Variants in LPCAT1 observed in about 807,000 individuals in gnomAD.
LPCAT1 encodes the protein 1-acylglycerol-3-phosphate O-acyltransferase.
Under a neutral mutation model 60.9 loss-of-function variants are expected in LPCAT1, and 23 were observed. That is an observed-to-expected ratio of 0.38 (90% confidence interval 0.27 to 0.53). The LOEUF is 0.53. Ranked by LOEUF, LPCAT1 falls within the 20% of genes least tolerant of loss-of-function variation. The probability of loss-of-function intolerance (pLI) is 0.82; values close to 1 mark genes in which losing one functional copy is unlikely to be tolerated. For synonymous variants in LPCAT1, 340 were observed against 301.1 expected (o/e 1.13, Z -1.34); for missense variants, 622 against 723.6 (o/e 0.86, Z 1.61).
intron 1 of LPCAT1, among the ~76,000 whole-genome samples, chr5:1,518,415 A>C (rs1246825525): frequency 6.6e-6 from 1 of 152,200 alleles, no homozygotes; most frequent in Non-Finnish European, 1.5e-5. Flanking sequence ...ATCTCCGCTC[A>C]CTGCAAGCTC....
chr5:1,519,201 C>T (rs1380061750), intron 1 of LPCAT1, among the ~76,000 whole-genome samples: 1 of 152,230 alleles, frequency 6.6e-6, no homozygotes, highest in African/African-American at 2.4e-5. Flanking sequence ...TGGTGCTTTG[C>T]TGTCAGCTGT....
In LPCAT1 at chr5:1,466,822, C is replaced by T; in HGVS notation, c.1347G>A (p.Leu449=). ...CGGTCACGGTGAGCTCTGCCACCCC[C>T]AGGGCCGTCTTGAGGATGCAGGACA... ...GDLSCILKTA[L]GVAELTVTDL... Residue 449 remains leucine, a synonymous_variant, in exon 13 of 14, where the codon CTG becomes CTA. Transcript: ENST00000283415. 1 of 1,613,534 alleles carries T rather than the reference C, an allele frequency of 6.2e-7. No individual in the cohort carries two copies. The highest frequency in any genetic ancestry group is 2.2e-5 in the East Asian group (1 of 44,848).
intron 1 of LPCAT1, among the ~76,000 whole-genome samples, chr5:1,520,651 G>A (rs964588162): frequency 5.9e-5 from 9 of 152,050 alleles, no homozygotes; most frequent in African/African-American, 9.7e-5. Context: ...ACAAGGTCAG[G>A]AGATCGAGAC....
intron 1 of LPCAT1, among the ~76,000 whole-genome samples, chr5:1,507,981 C>A (rs540499979): frequency 6.6e-6 from 1 of 152,240 alleles, no homozygotes; most frequent in Non-Finnish European, 1.5e-5. Flanking sequence ...CTGATCCACA[C>A]GCACCAGAGG....
At chr5:1,512,683 G>T in intron 1 of LPCAT1, among the ~76,000 whole-genome samples, 1 of 152,230 alleles carries the variant, frequency 6.6e-6, no homozygotes. Context: ...CCTCCCATCG[G>T]GGGGCTCTGC....
Position 1,502,486 on chromosome 5 carries a change from C to T in LPCAT1, c.136-883G>A, listed in dbSNP as rs562300375. Among the ~76,000 whole-genome samples, 35 of 152,146 alleles carry T rather than the reference C, an allele frequency of 2.3e-4. No individual in the cohort carries two copies. Among genetic ancestry groups the T allele is most frequent in the African/African-American group, 8.0e-4 (33 of 41,498 alleles). On this transcript the variant is annotated intron_variant, in intron 1 of 13. Coordinates refer to ENST00000283415, the MANE Select transcript of LPCAT1 (RefSeq NM_024830.5). This position sits in a 1 kb window ranked among gnomAD's most constrained non-coding sequence, Gnocchi z 5.5. ...GACCCGGCGCAGGAGAGTGAACTGGCGGGAGGGCAGGGGCGCAGGTCAATA... is the reference window on the plus strand; with the variant it reads ...GACCCGGCGCAGGAGAGTGAACTGGTGGGAGGGCAGGGGCGCAGGTCAATA...
chr5:1,488,361 G>C (rs1200810700), intron 5 of LPCAT1, 30 bp downstream of exon 5: 4 of 1,430,166 alleles, frequency 2.8e-6, no homozygotes, highest in Admixed American at 4.2e-5. Flanking sequence ...TTCTCTAGGA[G>C]AAAAATAAAC....
At chr5:1,464,891 A>ACG (rs1734280290) in intron 13 of LPCAT1, among the ~76,000 whole-genome samples, 1 of 141,830 alleles carries the variant, frequency 7.1e-6, no homozygotes. Context: ...AAACAAGTGC[A>ACG]CACACACACT....
At chr5:1,465,851 C>T (rs985665864) in intron 13 of LPCAT1, among the ~76,000 whole-genome samples, 2 of 150,168 alleles carry the variant, frequency 1.3e-5, no homozygotes, top group East Asian at 1.9e-4. Context: ...CGGTAACACA[C>T]GTGCACTTTC....
intron 1 of LPCAT1, among the ~76,000 whole-genome samples, chr5:1,511,180 C>T (rs1302660307): frequency 1.3e-5 from 2 of 152,238 alleles, no homozygotes; most frequent in African/African-American, 4.8e-5. Flanking sequence ...TGGATCTCCA[C>T]ACACAGCACC....
chr5:1,513,588 G>T (rs55830591), intron 1 of LPCAT1, among the ~76,000 whole-genome samples: 13,355 of 152,300 alleles, frequency 0.088, 840 homozygotes, highest in Middle Eastern at 0.27. Context: ...GCGGGGACTC[G>T]GTTACACCTG....
At chr5:1,513,490 T>C (rs761590828) in intron 1 of LPCAT1, among the ~76,000 whole-genome samples, 1 of 152,196 alleles carries the variant, frequency 6.6e-6, no homozygotes, top group Admixed American at 6.5e-5. Flanking sequence ...AACTCAGAAG[T>C]GTAAGCTTCT....
Position 1,474,616 on chromosome 5 carries a change from G to C in LPCAT1, c.969C>G (p.Leu323=), listed in dbSNP as rs772083019. ...AAAGGCAAGTGTCAGCGGGGAGACG[G>C]AGCTGTCCTTCCGCCAGGGCCAGCT... The part of the protein sequence containing the change: ...DCQLALAEGQ[L]RLPADTCLLE... The change falls in exon 10 of 14, where the codon CTC becomes CTG. Residue 323 remains leucine, a synonymous_variant. Coordinates refer to ENST00000283415, the MANE Select transcript of LPCAT1 (RefSeq NM_024830.5). The C allele has an allele frequency of 6.2e-7, 1 of 1,614,012 alleles. No individual in the cohort carries two copies. Among genetic ancestry groups the C allele is most frequent in the Non-Finnish European group, 8.5e-7 (1 of 1,180,006 alleles).
At chr5:1,505,829 A>G (rs374808028) in intron 1 of LPCAT1, among the ~76,000 whole-genome samples, 1 of 151,962 alleles carries the variant, frequency 6.6e-6, no homozygotes, top group Admixed American at 6.6e-5. Context: ...CACGGGGAGG[A>G]CTGTGTGAAC....
intron 3 of LPCAT1, among the ~76,000 whole-genome samples, chr5:1,492,718 C>A (rs370909307): frequency 1.3e-5 from 2 of 152,184 alleles, no homozygotes; most frequent in Non-Finnish European, 2.9e-5. Flanking sequence ...GGTGGAATCC[C>A]GGGCCTCTAG....
At position 1,523,871 on chromosome 5, in the gene LPCAT1, G is replaced by A. The variant is rs1736752740; in HGVS notation, c.-27C>T. 9.6e-7 allele frequency: 1 copy of A among 1,039,744 alleles called. No individual in the cohort carries two copies. Among genetic ancestry groups the A allele is most frequent in the Admixed American group, 5.7e-5 (1 of 17,552 alleles). The allele number at this position is 1,039,744 out of a possible 1,614,324, so 64.4% of individuals were successfully genotyped here. A position where few individuals can be genotyped will look rare whatever the true frequency, so the allele number is the denominator to read the frequency against. ...GCCGCGCCGTCCCGCGGCGAGCGCA[G>A]CCGAGCTGCCTGGGGCGCCGAGCGG... On this transcript the variant is annotated 5_prime_UTR_variant, in exon 1 of 14. Coordinates refer to ENST00000283415, the MANE Select transcript of LPCAT1 (RefSeq NM_024830.5). This position sits in a 1 kb window ranked among gnomAD's most constrained non-coding sequence, Gnocchi z 7.1.
At chr5:1,508,450 A>C (rs988480699) in intron 1 of LPCAT1, among the ~76,000 whole-genome samples, 4 of 152,122 alleles carry the variant, frequency 2.6e-5, no homozygotes, top group African/African-American at 9.7e-5. Context: ...TGGTGTCCTT[A>C]TAAGAAGAGG....
At chr5:1,467,538 C>T (rs369100830) in intron 12 of LPCAT1, among the ~76,000 whole-genome samples, 1 of 152,142 alleles carries the variant, frequency 6.6e-6, no homozygotes, top group Non-Finnish European at 1.5e-5. Flanking sequence ...AGTGCCGAGG[C>T]GCCTGCCGCC....
chr5:1,467,073 G>A, intron 12 of LPCAT1, 183 bp from the exon 13 acceptor site: 2 of 519,938 alleles, frequency 3.8e-6, no homozygotes. Flanking sequence ...CCTGTGCCTT[G>A]GATCTGGCCC....
Sources: allele counts gnomAD v4.1 joint callset (sites outside exome capture counted in the v4.1 genomes callset), GRCh38; gene constraint gnomAD v4.1.1; non-coding constraint Gnocchi (gnomAD v3.1); transcripts MANE v1.5; gene names NCBI Gene and HGNC (gene_info 2026-07-23, HGNC 2026-07-21).